The following SLC8A1 variants were observed in gnomAD, a reference collection of about 807,000 sequenced individuals.
SLC8A1 encodes sodium/calcium exchanger 1.
SLC8A1 carries 18 observed loss-of-function variants against 68.3 expected under a neutral mutation model. The ratio of observed to expected loss-of-function variants is 0.26; its 90% CI spans 0.18 to 0.39. The LOEUF (loss-of-function observed/expected upper bound fraction) is 0.39, where lower values mean the gene tolerates loss of function less well. Among genes scored for constraint, SLC8A1 ranks in the 10% least tolerant of loss-of-function variants. SLC8A1 has a pLI of 1.00. For synonymous variants in SLC8A1, 475 were observed against 415.5 expected (o/e 1.14, Z -1.74); for missense variants, 985 against 1,156.7 (o/e 0.85, Z 2.15).
intron 2 of SLC8A1, 44 bp downstream of exon 3, chr2:40,178,343 G>C (rs1314820087): frequency 6.8e-7 from 1 of 1,467,294 alleles, no homozygotes; most frequent in Non-Finnish European, 9.5e-7. Context: ...GGTGGCACAG[G>C]CCAGCAGAAG....
intron 2 of SLC8A1, among the ~76,000 whole-genome samples, chr2:40,412,342 C>A (rs527902334): frequency 6.6e-6 from 1 of 152,092 alleles, no homozygotes; most frequent in Non-Finnish European, 1.5e-5. Flanking sequence ...TTCTCCTTCC[C>A]GAGAATACAA....
chr2:40,365,237 G>A (rs953469732), intron 2 of SLC8A1, among the ~76,000 whole-genome samples: 4 of 151,728 alleles, frequency 2.6e-5, no homozygotes, highest in African/African-American at 7.3e-5. Context: ...AAATGAAAGC[G>A]GGACAAGAAT....
At position 40,267,672 on chromosome 2, in the gene SLC8A1, T is replaced by C. The variant is rs186616415; in HGVS notation, c.1809-89817A>G. Among the ~76,000 whole-genome samples, 562 of 152,348 alleles carry C rather than the reference T, an allele frequency of 3.7e-3. 6 individuals carry two copies. Among genetic ancestry groups the C allele is most frequent in the Middle Eastern group, 0.024 (7 of 294 alleles). ...AATTATAGATTCTGTCATTTATTAATCCCCTACTACAGAGTATGACAGGTT... is the reference window on the plus strand; with the variant it reads ...AATTATAGATTCTGTCATTTATTAACCCCCTACTACAGAGTATGACAGGTT... On this transcript the variant is annotated intron_variant, in intron 2 of 7. Coordinates refer to ENST00000406785, the Ensembl canonical transcript of SLC8A1.
intron 2 of SLC8A1, among the ~76,000 whole-genome samples, chr2:40,236,178 C>T (rs1363352514): frequency 6.6e-6 from 1 of 151,776 alleles, no homozygotes; most frequent in South Asian, 2.1e-4. Context: ...TCTTGTTGAT[C>T]TGTCTAATGT....
chr2:40,393,101 G>A (rs781323840), intron 2 of SLC8A1, among the ~76,000 whole-genome samples: 7 of 151,974 alleles, frequency 4.6e-5, no homozygotes, highest in South Asian at 2.1e-4. Flanking sequence ...TAAAAAATAT[G>A]TAAACTGTCT....
At chr2:40,396,269 AGT>A (rs1686863895) in intron 2 of SLC8A1, among the ~76,000 whole-genome samples, 1 of 152,236 alleles carries the variant, frequency 6.6e-6, no homozygotes, top group East Asian at 1.9e-4. Context: ...CAATCCATGA[AGT>A]GTGTTTGTTA....
chr2:40,335,490 C>G (rs1665670243), intron 2 of SLC8A1, among the ~76,000 whole-genome samples: 1 of 152,192 alleles, frequency 6.6e-6, no homozygotes, highest in African/African-American at 2.4e-5. Flanking sequence ...ATACTGTGTA[C>G]AACCAGGAAA....
At chr2:40,225,822 A>C (rs2058904650) in intron 2 of SLC8A1, among the ~76,000 whole-genome samples, 1 of 152,096 alleles carries the variant, frequency 6.6e-6, no homozygotes, top group Non-Finnish European at 1.5e-5. Flanking sequence ...CACTTGGATA[A>C]ACAGATTCCT....
chr2:40,325,561 C>T (rs775194412), intron 2 of SLC8A1, among the ~76,000 whole-genome samples: 23 of 151,812 alleles, frequency 1.5e-4, no homozygotes, highest in Non-Finnish European at 3.1e-4. Flanking sequence ...TATTATAATA[C>T]CATTAAAAAA....
chr2:40,399,856 G>C (rs1305429506), intron 2 of SLC8A1, among the ~76,000 whole-genome samples: 2 of 152,022 alleles, frequency 1.3e-5, no homozygotes, highest in African/African-American at 4.8e-5. Flanking sequence ...TGCCTCCAAA[G>C]AAAGAAAAAG....
intron 7 of SLC8A1, among the ~76,000 whole-genome samples, 164 bp downstream of exon 10, chr2:40,139,237 G>T (rs2041109252): frequency 6.6e-6 from 1 of 152,100 alleles, no homozygotes; most frequent in Non-Finnish European, 1.5e-5. Flanking sequence ...CTTGAGAAGG[G>T]CCATGACAAT....
At chr2:40,386,524 C>G (rs1013178389) in intron 2 of SLC8A1, among the ~76,000 whole-genome samples, 1 of 90,210 alleles carries the variant, frequency 1.1e-5, no homozygotes, top group Non-Finnish European at 2.9e-5. Flanking sequence ...TATTTAACAT[C>G]AAGTAAATGA....
At chr2:40,188,751 G>C (rs1423896238) in intron 2 of SLC8A1, among the ~76,000 whole-genome samples, 1 of 152,174 alleles carries the variant, frequency 6.6e-6, no homozygotes, top group African/African-American at 2.4e-5. Flanking sequence ...GCTTTCTTAA[G>C]TCTTAAAATT....
At chr2:40,123,347 G>A (rs571426862) in intron 7 of SLC8A1, 6 of 152,310 alleles carry the variant, frequency 3.9e-5, no homozygotes, top group Admixed American at 3.3e-4. Context: ...GACTCCTTTA[G>A]CAAACATGGA....
At chr2:40,157,968 G>A (rs1045493009) in intron 6 of SLC8A1, among the ~76,000 whole-genome samples, 15 of 152,088 alleles carry the variant, frequency 9.9e-5, no homozygotes, top group African/African-American at 3.6e-4. Flanking sequence ...AAAAGCAGAG[G>A]GACAAGAAGA....
At chr2:40,293,588 A>C (rs531212112) in intron 2 of SLC8A1, among the ~76,000 whole-genome samples, 14 of 152,144 alleles carry the variant, frequency 9.2e-5, no homozygotes, top group Non-Finnish European at 1.8e-4. Context: ...GAGGGACTTA[A>C]TATCTAGCTT....
At chr2:40,482,354 C>T (rs749685278) in intron 1 of SLC8A1, among the ~76,000 whole-genome samples, 6 of 152,082 alleles carry the variant, frequency 3.9e-5, no homozygotes, top group Non-Finnish European at 5.9e-5. Context: ...AGGGTTGAAG[C>T]TTATACAATA....
chr2:40,457,835 A>T lies in SLC8A1; in HGVS notation c.-24-27531T>A, dbSNP rs867098245. ...AACATTTTTTGCCACCTCCAATTTAATTTTTATGTAAGAAATCCTTGTGAA... is the reference window on the plus strand; with the variant it reads ...AACATTTTTTGCCACCTCCAATTTATTTTTTATGTAAGAAATCCTTGTGAA... On this transcript the variant is annotated intron_variant, in intron 1 of 7. Transcript: ENST00000402441. Among the ~76,000 whole-genome samples, 3 of 152,322 alleles carry T rather than the reference A, an allele frequency of 2.0e-5. 1 individual carries two copies. Among genetic ancestry groups the T allele is most frequent in the African/African-American group, 7.2e-5 (3 of 41,568 alleles).
chr2:40,369,328 G>C (rs369330711), intron 2 of SLC8A1, among the ~76,000 whole-genome samples: 1 of 152,032 alleles, frequency 6.6e-6, no homozygotes, highest in Admixed American at 6.6e-5. Flanking sequence ...ATCTGAGCTG[G>C]TTGTTTCTAG....
Sources: allele counts gnomAD v4.1 joint callset (sites outside exome capture counted in the v4.1 genomes callset), GRCh38; gene constraint gnomAD v4.1.1; transcripts MANE v1.5; gene names NCBI Gene and HGNC (gene_info 2026-07-23, HGNC 2026-07-21).